The following KIF26A variants were observed in gnomAD, a reference collection of about 807,000 sequenced individuals.
The protein encoded by KIF26A is kinesin-like protein KIF26A.
Under a neutral mutation model 126.0 loss-of-function variants are expected in KIF26A, and 74 were observed. The observed-to-expected ratio is 0.59, with a 90% confidence interval of 0.49 to 0.71. The LOEUF (loss-of-function observed/expected upper bound fraction) is 0.71, where lower values mean the gene tolerates loss of function less well. Among genes scored for constraint, KIF26A ranks in the 30% least tolerant of loss-of-function variants. The pLI is 0.00. For missense variants in KIF26A, 2,984 were observed against 2,763.3 expected (o/e 1.08, Z -1.79); for synonymous variants, 1,445 against 1,232.7 (o/e 1.17, Z -3.61).
At chr14:104,163,991 A>G (rs7156998) in intron 4 of KIF26A, among the ~76,000 whole-genome samples, 106,548 of 151,976 alleles carry the variant, frequency 0.7, 38,827 homozygotes, top group African/African-American at 0.91. Flanking sequence ...GGCACCGCCC[A>G]CCACTGCCCT....
rs772493900 is a variant in KIF26A, at chr14:104,176,046, C to T, written c.3258C>T (p.Tyr1086=). 1.6e-5 allele frequency: 26 copies of T among 1,595,824 alleles called. No homozygotes were observed. The highest frequency in any genetic ancestry group is 3.4e-5 in the Admixed American group (2 of 58,918). ...GCATCAATGATGAGTTTGACGCCTACACCTCTCAGGCCCCTGAGGGGGGGC... is the reference window on the plus strand; with the variant it reads ...GCATCAATGATGAGTTTGACGCCTATACCTCTCAGGCCCCTGAGGGGGGGC... ...ISSINDEFDA[Y]TSQAPEGGPL... is the part of the protein sequence containing the mutation. The change falls in exon 12 of 15, where the codon TAC becomes TAT. Residue 1086 remains tyrosine (Y), a synonymous_variant. Coordinates refer to ENST00000423312, the MANE Select transcript of KIF26A (RefSeq NM_015656.2).
chr14:104,154,494 C>T (rs531806077), intron 3 of KIF26A, among the ~76,000 whole-genome samples: 25 of 152,302 alleles, frequency 1.6e-4, no homozygotes, highest in Admixed American at 4.6e-4. Flanking sequence ...ATGGAGCCGC[C>T]GGGCAGGGCT....
At chr14:104,167,210 G>C (rs79024120) in intron 5 of KIF26A, among the ~76,000 whole-genome samples, 162 bp downstream of exon 5, 6,561 of 152,292 alleles carry the variant, frequency 0.043, 181 homozygotes, top group Non-Finnish European at 0.063. Flanking sequence ...GGTGGCAGCA[G>C]GGAGCCTGGG....
chr14:104,172,767 G>A, intron 7 of KIF26A, 99 bp downstream of exon 7: 1 of 1,125,396 alleles, frequency 8.9e-7, no homozygotes, highest in African/African-American at 1.6e-5. Flanking sequence ...AAGGAGGCTG[G>A]TCCTACACAT....
chr14:104,178,492 G>A lies in KIF26A; in HGVS notation c.5111-58G>A. ...GCCGGCTCCGCAGCGTCCCCGCAGG[G>A]GCTGTGCTTGGGCTGGGCCCCGCCT... On this transcript the variant is annotated intron_variant, in intron 12 of 14. Coordinates refer to ENST00000423312, the MANE Select transcript of KIF26A (RefSeq NM_015656.2). 1.1e-5 allele frequency: 14 copies of A among 1,314,726 alleles called. No homozygotes were observed. The South Asian group carries it at 2.0e-4, about 18-fold the overall frequency. 81.4% of individuals were successfully genotyped at this position (1,314,726 alleles called of 1,614,324 possible).
chr14:104,179,418 G>A, intron 14 of KIF26A, 32 bp downstream of exon 14: 1 of 1,470,500 alleles, frequency 6.8e-7, no homozygotes, highest in Non-Finnish European at 9.0e-7. Flanking sequence ...ACCCAGCCCG[G>A]CCCACCGTGT....
chr14:104,167,022 A>G lies in KIF26A; in HGVS notation c.1087A>G (p.Lys363Glu). The G allele has an allele frequency of 1.3e-6, 2 of 1,578,218 alleles. No individual in the cohort carries two copies. The highest frequency in any genetic ancestry group is 8.6e-7 in the Non-Finnish European group (1 of 1,163,148). ...CCTGCTCAGGGCCGCCTCCAAGACC[A>G]AGGACAACCCTGGCAGCATCGGGAA... The part of the protein sequence containing the change: ...PCLLRAASKT[K>E]DNPGSIGKVK... The change falls in exon 5 of 15, where the codon AAG (lysine) becomes GAG (glutamate). Residue 363 changes from lysine to glutamate, a missense_variant. Coordinates refer to ENST00000423312, the MANE Select transcript of KIF26A (RefSeq NM_015656.2).
intron 3 of KIF26A, among the ~76,000 whole-genome samples, chr14:104,156,673 G>A (rs560876103): frequency 1.3e-5 from 2 of 152,268 alleles, no homozygotes; most frequent in South Asian, 4.1e-4. Flanking sequence ...GATACTGTCT[G>A]GGATGGCAGG....
rs1351441187 is a variant in KIF26A, at chr14:104,173,784, C to T, written c.1946C>T (p.Ala649Val). 3 of 1,607,396 alleles carry T rather than the reference C, an allele frequency of 1.9e-6. No homozygotes were observed. Among genetic ancestry groups the T allele is most frequent in the Non-Finnish European group, 2.5e-6 (3 of 1,179,472 alleles). Residue 649 changes from alanine to valine, a missense_variant, in exon 10 of 15, where the codon GCT (alanine) becomes GTT (valine). Transcript: ENST00000423312. Reference sequence around the variant, plus strand: ...GCGGCTGGCAGGGCCGGGGAGGCTGCTGGGGGTCCCCTGTGTCTGTCCCTG... The same window carrying T: ...GCGGCTGGCAGGGCCGGGGAGGCTGTTGGGGGTCCCCTGTGTCTGTCCCTG... ...EAAAGRAGEA[A>V]GGPLCLSLSA...
At chr14:104,174,526 G>A (rs765150383) in intron 11 of KIF26A, among the ~76,000 whole-genome samples, 1 of 152,150 alleles carries the variant, frequency 6.6e-6, no homozygotes, top group Non-Finnish European at 1.5e-5. Context: ...GGGCAGAATC[G>A]GGGCTTGCTG....
chr14:104,160,161 G>A (rs938458549), intron 4 of KIF26A, among the ~76,000 whole-genome samples: 1 of 152,214 alleles, frequency 6.6e-6, no homozygotes, highest in Non-Finnish European at 1.5e-5. Context: ...CCGTGTAGCA[G>A]TCAGGGCAGA....
chr14:104,143,222 G>A (rs2037652291), intron 2 of KIF26A, among the ~76,000 whole-genome samples: 1 of 152,194 alleles, frequency 6.6e-6, no homozygotes, highest in East Asian at 1.9e-4. Flanking sequence ...TGTTGGTGCC[G>A]CCTGCTGGTG....
chr14:104,176,082 G>A lies in KIF26A; in HGVS notation c.3294G>A (p.Gly1098=). 1 of 1,592,248 alleles carries A rather than the reference G, an allele frequency of 6.3e-7. No individual in the cohort carries two copies. The highest frequency in any genetic ancestry group is 1.3e-5 in the African/African-American group (1 of 74,666). ...SQAPEGGPLE[G]AAWAGSSHGS... ...CCCCTGAGGGGGGGCCCCTGGAGGG[G>A]GCAGCCTGGGCCGGCAGCAGTCACG... Residue 1098 remains glycine (G), a synonymous_variant, in exon 12 of 15, where the codon GGG becomes GGA. Transcript: ENST00000423312.
Position 104,173,804 on chromosome 14 carries a change from T to A in KIF26A, c.1966T>A (p.Ser656Thr), listed in dbSNP as rs754047505. ...GEAAGGPLCL[S>T]LSALGSVILA... Reference sequence around the variant, plus strand: ...GGCTGCTGGGGGTCCCCTGTGTCTGTCCCTGTCGGCCCTGGGCAGCGTCAT... The same window carrying A: ...GGCTGCTGGGGGTCCCCTGTGTCTGACCCTGTCGGCCCTGGGCAGCGTCAT... The change falls in exon 10 of 15, where the codon TCC becomes ACC. Residue 656 changes from serine (S) to threonine (T), a missense_variant. Coordinates refer to ENST00000423312, the MANE Select transcript of KIF26A (RefSeq NM_015656.2). The A allele has an allele frequency of 1.3e-5, 21 of 1,604,710 alleles. No homozygotes were observed. Among genetic ancestry groups the A allele is most frequent in the Non-Finnish European group, 1.8e-5 (21 of 1,179,404 alleles).
At position 104,157,800 on chromosome 14, in the gene KIF26A, G is replaced by C. The variant is rs1445331984; in HGVS notation, c.781G>C (p.Glu261Gln). ...AAVAVADTVR[E>Q]CPPVAGPDGL... ...CGTGGCGGTGGCAGACACGGTCCGA[G>C]AATGCCCCCCCGTGGCCGGCCCTGA... Residue 261 changes from glutamate to glutamine, a missense_variant, in exon 4 of 15, where the codon GAA becomes CAA. Coordinates refer to ENST00000423312, the MANE Select transcript of KIF26A (RefSeq NM_015656.2). 1 of 1,610,410 alleles carries C rather than the reference G, an allele frequency of 6.2e-7. No individual in the cohort carries two copies. The highest frequency in any genetic ancestry group is 2.2e-5 in the East Asian group (1 of 44,812).
intron 4 of KIF26A, among the ~76,000 whole-genome samples, chr14:104,160,405 A>T (rs2037822544): frequency 6.6e-6 from 1 of 152,104 alleles, no homozygotes; most frequent in Non-Finnish European, 1.5e-5. Context: ...CCACACAGGG[A>T]AGCTGGGATG....
Position 104,175,468 on chromosome 14 carries a change from A to G in KIF26A, c.2680A>G (p.Met894Val), listed in dbSNP as rs763186607. The part of the protein sequence containing the change: ...ASPRKAVGTP[M>V]AASTPRGSSG... ...CCCCAGGAAGGCCGTGGGCACCCCG[A>G]TGGCTGCCAGCACCCCTCGAGGCAG... Residue 894 changes from methionine to valine, a missense_variant, in exon 12 of 15, where the codon ATG (methionine) becomes GTG (valine). Met to Val is a conservative substitution (Grantham distance 21). Transcript: ENST00000423312. 5.7e-6 allele frequency: 9 copies of G among 1,592,378 alleles called. No individual in the cohort carries two copies. Among genetic ancestry groups the G allele is most frequent in the Non-Finnish European group, 5.9e-6 (7 of 1,176,724 alleles).
At chr14:104,178,800 C>A in intron 13 of KIF26A, 45 bp downstream of exon 13, 3 of 1,157,042 alleles carry the variant, frequency 2.6e-6, no homozygotes, top group Non-Finnish European at 2.4e-6. Flanking sequence ...TGGTGGGGAG[C>A]CTGCCGCGGA....
chr14:104,148,232 T>C lies in KIF26A; in HGVS notation c.289-3783T>C, dbSNP rs2037696998. 6.6e-6 allele frequency among the ~76,000 whole-genome samples: 1 copy of C among 152,066 alleles called. No homozygotes were observed. The highest frequency in any genetic ancestry group is 6.5e-5 in the Admixed American group (1 of 15,280). Reference sequence around the variant, plus strand: ...AACAAAATAAAGAACAAAGTCATGATTTGTAAGTAGGGGGGAGACTCCCTA... The same window carrying C: ...AACAAAATAAAGAACAAAGTCATGACTTGTAAGTAGGGGGGAGACTCCCTA... On this transcript the variant is annotated intron_variant, in intron 2 of 14. Coordinates refer to ENST00000423312, the MANE Select transcript of KIF26A (RefSeq NM_015656.2). This position sits in a 1 kb window ranked among gnomAD's most constrained non-coding sequence, Gnocchi z 4.3.
Sources: allele counts gnomAD v4.1 joint callset (sites outside exome capture counted in the v4.1 genomes callset), GRCh38; gene constraint gnomAD v4.1.1; non-coding constraint Gnocchi (gnomAD v3.1); transcripts MANE v1.5; gene names NCBI Gene and HGNC (gene_info 2026-07-23, HGNC 2026-07-21).